The following ZC4H2 variants were observed in gnomAD, a reference collection of about 807,000 sequenced individuals.
ZC4H2 encodes the protein zinc finger C4H2 domain-containing protein.
For synonymous variants in ZC4H2, 84 were observed against 66.3 expected, an observed-to-expected ratio of 1.27 and a Z score of -1.30; for missense variants, 137 against 173.9, an observed-to-expected ratio of 0.79 and a Z score of 1.19.
intron 1 of ZC4H2, chrX:64,922,270 AAAG>A (rs1929235253): frequency 3.4e-6 from 1 of 290,151 alleles, no homozygotes; most frequent in African/African-American, 3.5e-5. Flanking sequence ...GAAAAAGAAA[AAAG>A]AAAAAAAAAA....
intron 1 of ZC4H2, among the ~76,000 whole-genome samples, chrX:64,931,432 G>A (rs1466930477): frequency 9.0e-6 from 1 of 111,199 alleles, no homozygotes; most frequent in Non-Finnish European, 1.9e-5. Context: ...GTTCCTTGAG[G>A]TGTGACATTG....
chrX:65,013,703 T>C (rs988597455), intron 1 of ZC4H2, among the ~76,000 whole-genome samples: 18 of 111,432 alleles, frequency 1.6e-4, no homozygotes, highest in Non-Finnish European at 1.5e-4. Flanking sequence ...TCGAGCTGAC[T>C]AGAGTCCAGC....
intron 1 of ZC4H2, among the ~76,000 whole-genome samples, chrX:64,987,466 T>A (rs1235206593): frequency 1.2e-5 from 1 of 84,573 alleles, no homozygotes; most frequent in Non-Finnish European, 2.0e-5. Flanking sequence ...TTTGCTGGGT[T>A]TTTTTTTTTT....
intron 1 of ZC4H2, among the ~76,000 whole-genome samples, chrX:64,965,095 G>A (rs944056317): frequency 9.0e-6 from 1 of 111,623 alleles, no homozygotes; most frequent in Non-Finnish European, 1.9e-5. Flanking sequence ...ATTACACACT[G>A]GTGAAATCTA....
At chrX:64,960,731 G>T (rs922392460) in intron 1 of ZC4H2, among the ~76,000 whole-genome samples, 2 of 112,006 alleles carry the variant, frequency 1.8e-5, no homozygotes, top group Non-Finnish European at 3.8e-5. Flanking sequence ...GTACAAATAA[G>T]CAGGAAAAAT....
intron 1 of ZC4H2, among the ~76,000 whole-genome samples, chrX:64,992,539 T>G (rs899716467): frequency 1.8e-5 from 2 of 111,637 alleles, no homozygotes; most frequent in African/African-American, 6.5e-5. Context: ...TCCCCAAGCT[T>G]CCTTTATCCC....
At chrX:65,009,337 T>C (rs1932721120) in intron 1 of ZC4H2, among the ~76,000 whole-genome samples, 1 of 110,490 alleles carries the variant, frequency 9.1e-6, no homozygotes, top group Non-Finnish European at 1.9e-5. Flanking sequence ...TACACCTTAC[T>C]GTCCAAGCCT....
rs191669680 is a variant in ZC4H2, at chrX:65,021,328, T to A, written c.-272+13301A>T. 6.7e-4 allele frequency among the ~76,000 whole-genome samples: 74 copies of A among 110,566 alleles called. 1 individual carries two copies. In the Admixed American group the frequency reaches 7.1e-3, roughly 11 times the overall value. ...AATGGAAATAATAACAGTTTCCCAA[T>A]CCACAGTACAATCAAATTAGAACTC... On this transcript the variant is annotated intron_variant, in intron 1 of 4. Transcript: ENST00000337990.
At chrX:65,007,045 C>A (rs951781102) in intron 1 of ZC4H2, among the ~76,000 whole-genome samples, 2 of 111,324 alleles carry the variant, frequency 1.8e-5, no homozygotes, top group East Asian at 5.6e-4. Flanking sequence ...TGCAGGCATG[C>A]TGAGTTATTT....
At chrX:64,979,131 C>A (rs1488873975), upstream of ZC4H2, among the ~76,000 whole-genome samples, 2 of 111,992 alleles carry the variant, frequency 1.8e-5, no homozygotes, top group African/African-American at 3.2e-5. Flanking sequence ...CCAAGAGAGG[C>A]AAAGGACTTG....
In ZC4H2 at chrX:64,920,195, C is replaced by T. The variant is rs1347051515; in HGVS notation, c.284G>A (p.Arg95Lys). Residue 95 changes from arginine (R) to lysine (K), a missense_variant, in exon 3 of 5, where the codon AGG becomes AAG. Coordinates refer to ENST00000374839, the MANE Select transcript of ZC4H2 (RefSeq NM_018684.4). ...NDLNKLLEST[R>K]RLHDEYKPLK... Reference sequence around the variant, plus strand: ...TGGCTTATACTCATCATGCAGCCTCCTTGTAGACTCTAGCAGCTTGTTTAG... The same window carrying T: ...TGGCTTATACTCATCATGCAGCCTCTTTGTAGACTCTAGCAGCTTGTTTAG... 1 of 1,209,478 alleles carries T rather than the reference C, an allele frequency of 8.3e-7. No individual in the cohort carries two copies. The highest frequency in any genetic ancestry group is 1.8e-5 in the African/African-American group (1 of 57,048).
rs753426558 is a variant in ZC4H2 at position 64,928,632 on chromosome X, C to CCTTCTTCTTCTTCTTCTTCTT, written c.54-6665_54-6645dup. ...TATTCATGTCCTTTGCCTGCTTTCT[C>CCTTCTTCTTCTTCTTCTTCTT]CTTCTTCTTCTTCTTCTTCTTCTTC... On this transcript the variant is annotated intron_variant, in intron 1 of 4. Transcript: ENST00000374839. 4.5e-3 allele frequency among the ~76,000 whole-genome samples: 373 copies of CCTTCTTCTTCTTCTTCTTCTT among 83,332 alleles called. 9 individuals carry two copies. Among genetic ancestry groups the CCTTCTTCTTCTTCTTCTTCTT allele is most frequent in the African/African-American group, 0.016 (322 of 20,493 alleles). The allele number at this position is 83,332 out of a possible 115,157, so 72.4% of individuals were successfully genotyped here.
intron 1 of ZC4H2, among the ~76,000 whole-genome samples, chrX:64,933,922 C>A (rs1011845105): frequency 9.0e-6 from 1 of 111,546 alleles, no homozygotes; most frequent in African/African-American, 3.3e-5. Context: ...GGCTAAGACC[C>A]CAGACTTGAT....
intron 1 of ZC4H2, among the ~76,000 whole-genome samples, chrX:64,971,517 T>A (rs969707156): frequency 2.7e-5 from 3 of 111,903 alleles, no homozygotes; most frequent in African/African-American, 9.8e-5. Context: ...CAGATTGCCA[T>A]CTGAGGTAAC....
At chrX:64,952,597 A>C (rs186099448) in intron 1 of ZC4H2, among the ~76,000 whole-genome samples, 41 of 111,336 alleles carry the variant, frequency 3.7e-4, no homozygotes, top group African/African-American at 9.1e-4. Flanking sequence ...AATACCTAGG[A>C]ATCCAACTTA....
chrX:64,931,796 C>T (rs892365810), intron 1 of ZC4H2, among the ~76,000 whole-genome samples: 1 of 111,082 alleles, frequency 9.0e-6, no homozygotes, highest in Non-Finnish European at 1.9e-5. Context: ...GGAGAATGTT[C>T]CATACACTGA....
intron 1 of ZC4H2, among the ~76,000 whole-genome samples, chrX:65,012,340 AT>A (rs1332822355): frequency 9.0e-6 from 1 of 111,311 alleles, no homozygotes; most frequent in Non-Finnish European, 1.9e-5. Flanking sequence ...CTTTAAAAAA[AT>A]AACTCAAGTA....
intron 1 of ZC4H2, among the ~76,000 whole-genome samples, chrX:64,944,384 T>C (rs1254067140): frequency 9.1e-6 from 1 of 110,449 alleles, no homozygotes; most frequent in Non-Finnish European, 1.9e-5. Context: ...ATTTTTTTTC[T>C]TTAAGAATGT....
intron 1 of ZC4H2, among the ~76,000 whole-genome samples, chrX:64,940,970 T>A (rs747610106): frequency 3.3e-4 from 37 of 112,241 alleles, no homozygotes; most frequent in South Asian, 2.2e-3. Context: ...TAGCATTGAA[T>A]CTATGAATTA....
Sources: allele counts gnomAD v4.1 joint callset (sites outside exome capture counted in the v4.1 genomes callset), GRCh38; gene constraint gnomAD v4.1.1; transcripts MANE v1.5; gene names NCBI Gene and HGNC (gene_info 2026-07-23, HGNC 2026-07-21).